TBX19: variants seen among roughly 807,000 people sequenced by gnomAD.
The protein encoded by TBX19 is T-box transcription factor 19.
Under a neutral mutation model 40.9 loss-of-function variants are expected in TBX19, and 33 were observed. The observed-to-expected ratio is 0.81, with a 90% CI of 0.61 to 1.08. The LOEUF (loss-of-function observed/expected upper bound fraction) is 1.08, where lower values mean the gene tolerates loss of function less well. Among genes scored for constraint, TBX19 ranks in the 50% least tolerant of loss-of-function variants. The probability of loss-of-function intolerance (pLI) is 0.00; values close to 1 mark genes in which losing one functional copy is unlikely to be tolerated. For missense variants in TBX19, 494 were observed against 574.0 expected, an observed-to-expected ratio of 0.86 and a Z score of 1.42; for synonymous variants, 220 against 225.0, an observed-to-expected ratio of 0.98 and a Z score of 0.20.
In TBX19 at chr1:168,281,308, C is replaced by T. The variant is rs747265954; in HGVS notation, c.203+15C>T. On this transcript the variant is annotated intron_variant, in intron 1 of 7. Transcript: ENST00000367821. The stretch of plus-strand genomic sequence containing the variant: ...AAGAATGGCAGGTGAGTTTATCTGC[C>T]GCCCCGCGTGGGCTGGCAGGGCTTG... The T allele has an allele frequency of 2.5e-5, 40 of 1,613,504 alleles. No homozygotes were observed. Among genetic ancestry groups the T allele is most frequent in the Middle Eastern group, 3.3e-4 (2 of 6,078 alleles).
chr1:168,306,646 A>G (rs900097170), intron 6 of TBX19, among the ~76,000 whole-genome samples: 2 of 151,784 alleles, frequency 1.3e-5, no homozygotes, highest in Non-Finnish European at 2.9e-5. Context: ...AAAAAAAAAA[A>G]AAGATATAGC....
intron 6 of TBX19, chr1:168,308,182 G>A (rs1649448413): frequency 6.6e-6 from 1 of 151,752 alleles, no homozygotes. Context: ...GTGTCTCTCT[G>A]TGTTGCCCAG....
chr1:168,289,063 T>A (rs1648874182), intron 1 of TBX19, among the ~76,000 whole-genome samples: 1 of 152,184 alleles, frequency 6.6e-6, no homozygotes, highest in South Asian at 2.1e-4. Flanking sequence ...TAAAATAATA[T>A]AAAAAGTAAA....
At chr1:168,301,209 C>A (rs905595556) in intron 5 of TBX19, among the ~76,000 whole-genome samples, 2 of 152,190 alleles carry the variant, frequency 1.3e-5, no homozygotes, top group African/African-American at 4.8e-5. Context: ...TCTTACTGCA[C>A]CTTCCATAAC....
At chr1:168,287,724 C>T (rs1272379493) in intron 1 of TBX19, among the ~76,000 whole-genome samples, 1 of 152,126 alleles carries the variant, frequency 6.6e-6, no homozygotes, top group Non-Finnish European at 1.5e-5. Context: ...TCATTGAATT[C>T]CCACCTAGAA....
chr1:168,300,542 TCCACACTCAGACTCTTTGCC>T, intron 5 of TBX19, 59 bp downstream of exon 5: 4 of 1,496,946 alleles, frequency 2.7e-6, no homozygotes, highest in Non-Finnish European at 3.7e-6. Context: ...GCCAGCTCCT[TCCACACTCAGACTCTTTGCC>T]TGTCAGGACT....
chr1:168,282,900 T>TAGATGAACA (rs1648699587), intron 1 of TBX19, among the ~76,000 whole-genome samples: 4 of 152,232 alleles, frequency 2.6e-5, no homozygotes, highest in African/African-American at 9.6e-5. Context: ...TTCATCTATT[T>TAGATGAACA]CAATAAGGAA....
At chr1:168,283,206 T>G (rs1648707040) in intron 1 of TBX19, among the ~76,000 whole-genome samples, 1 of 152,214 alleles carries the variant, frequency 6.6e-6, no homozygotes, top group South Asian at 2.1e-4. Context: ...TTAACGTCAT[T>G]TAATATTAGC....
At chr1:168,289,744 C>T (rs566717215) in intron 1 of TBX19, among the ~76,000 whole-genome samples, 4 of 152,340 alleles carry the variant, frequency 2.6e-5, no homozygotes, top group East Asian at 3.9e-4. Flanking sequence ...ATTACCATTA[C>T]ACCCAAGCCC....
intron 7 of TBX19, among the ~76,000 whole-genome samples, chr1:168,310,095 A>G (rs957360257): frequency 6.6e-6 from 1 of 152,082 alleles, no homozygotes; most frequent in Non-Finnish European, 1.5e-5. Flanking sequence ...TCAAGTCAGG[A>G]GTTTGAAACC....
intron 6 of TBX19, among the ~76,000 whole-genome samples, chr1:168,307,365 C>A (rs775826132): frequency 2.6e-5 from 4 of 151,978 alleles, no homozygotes; most frequent in Non-Finnish European, 4.4e-5. Context: ...CATAACATTG[C>A]GAAAGGCATC....
chr1:168,294,983 T>A (rs1649065139), intron 3 of TBX19, among the ~76,000 whole-genome samples: 1 of 152,014 alleles, frequency 6.6e-6, no homozygotes, highest in African/African-American at 2.4e-5. Flanking sequence ...TCTTTGACAC[T>A]CTAATAGGTT....
intron 6 of TBX19, 174 bp from the exon 7 acceptor site, chr1:168,308,568 C>G (rs1649457563): frequency 5.3e-6 from 4 of 754,306 alleles, no homozygotes; most frequent in Non-Finnish European, 8.7e-6. Context: ...ATATGGTTGA[C>G]ATTGAGGAAA....
intron 3 of TBX19, among the ~76,000 whole-genome samples, chr1:168,295,214 C>G (rs1489158034): frequency 6.6e-6 from 1 of 152,004 alleles, no homozygotes; most frequent in Non-Finnish European, 1.5e-5. Flanking sequence ...TTGCTTGAAC[C>G]TGGGAGGCGG....
chr1:168,302,432 T>C (rs1036241000), intron 5 of TBX19, among the ~76,000 whole-genome samples: 3 of 152,182 alleles, frequency 2.0e-5, no homozygotes, highest in African/African-American at 7.2e-5. Flanking sequence ...CCAATGTTCT[T>C]AAGGAACAGC....
At chr1:168,312,473 TG>T (rs775373950) in intron 7 of TBX19, among the ~76,000 whole-genome samples, 2 of 152,222 alleles carry the variant, frequency 1.3e-5, no homozygotes, top group African/African-American at 2.4e-5. Context: ...AATTCGCTGG[TG>T]GCCGGGCCAG....
intron 7 of TBX19, among the ~76,000 whole-genome samples, chr1:168,312,223 T>C (rs550068121): frequency 6.6e-6 from 1 of 152,284 alleles, no homozygotes; most frequent in African/African-American, 2.4e-5. Flanking sequence ...AGATGAGAAA[T>C]TGACACTCAG....
chr1:168,298,896 T>C (rs1479414243), intron 4 of TBX19, among the ~76,000 whole-genome samples: 3 of 120,980 alleles, frequency 2.5e-5, no homozygotes, highest in Non-Finnish European at 4.8e-5. Context: ...TCTTTCTTTC[T>C]TTCTCTCTCT....
At chr1:168,301,975 C>CAT (rs1649284192) in intron 5 of TBX19, among the ~76,000 whole-genome samples, 1 of 152,214 alleles carries the variant, frequency 6.6e-6, no homozygotes, top group East Asian at 1.9e-4. Context: ...TCACATAACT[C>CAT]AGACTGTTCT....
Sources: allele counts gnomAD v4.1 joint callset (sites outside exome capture counted in the v4.1 genomes callset), GRCh38; gene constraint gnomAD v4.1.1; transcripts MANE v1.5; gene names NCBI Gene and HGNC (gene_info 2026-07-23, HGNC 2026-07-21).